Variants in TTC28 observed in about 807,000 individuals in gnomAD.
TTC28 encodes the protein tetratricopeptide repeat protein 28.
Under a neutral mutation model 198.0 loss-of-function variants are expected in TTC28, and 61 were observed. The observed-to-expected ratio is 0.31, with a 90% CI of 0.25 to 0.38. The LOEUF (loss-of-function observed/expected upper bound fraction) is 0.38, where lower values mean the gene tolerates loss of function less well. Among genes scored for constraint, TTC28 ranks in the 10% least tolerant of loss-of-function variants. The pLI is 1.00. For missense variants in TTC28, 2,678 were observed against 3,164.0 expected (o/e 0.85, Z 3.69); for synonymous variants, 1,171 against 1,297.8 (o/e 0.90, Z 2.10).
chr22:28,432,272 C>A (rs985228853), intron 2 of TTC28, among the ~76,000 whole-genome samples: 12 of 149,808 alleles, frequency 8.0e-5, no homozygotes, highest in Non-Finnish European at 3.0e-5. Flanking sequence ...GGTGACAGAG[C>A]GAGACTCTGT....
At chr22:28,526,895 TACAAGC>T (rs1231932043) in intron 2 of TTC28, among the ~76,000 whole-genome samples, 2 of 152,106 alleles carry the variant, frequency 1.3e-5, no homozygotes, top group African/African-American at 4.8e-5. Flanking sequence ...TAGTTGGGAT[TACAAGC>T]ACTTGCCACC....
At chr22:28,308,438 TTA>T (rs777049152) in intron 2 of TTC28, among the ~76,000 whole-genome samples, 22 of 152,220 alleles carry the variant, frequency 1.4e-4, no homozygotes, top group Non-Finnish European at 3.2e-4. Flanking sequence ...AAAAAATGTC[TTA>T]GTTACTGATT....
chr22:28,444,436 C>G (rs2047672447), intron 2 of TTC28, among the ~76,000 whole-genome samples: 1 of 152,124 alleles, frequency 6.6e-6, no homozygotes, highest in Non-Finnish European at 1.5e-5. Flanking sequence ...CTCAAAGGGA[C>G]TGCTTTTGAG....
At chr22:28,472,584 G>A (rs955057640) in intron 2 of TTC28, among the ~76,000 whole-genome samples, 1 of 151,580 alleles carries the variant, frequency 6.6e-6, no homozygotes, top group South Asian at 2.1e-4. Context: ...GTGTGTGTGT[G>A]TGTGTGTGTA....
chr22:28,108,193 G>A lies in TTC28; in HGVS notation c.1652C>T (p.Ala551Val). The A allele has an allele frequency of 3.2e-6, 5 of 1,551,662 alleles. No homozygotes were observed. The highest frequency in any genetic ancestry group is 3.5e-6 in the Non-Finnish European group (4 of 1,146,942). The change falls in exon 7 of 23, where the codon GCC becomes GTC. Residue 551 changes from alanine (A) to valine (V), a missense_variant. Ala to Val is a moderately conservative substitution (Grantham distance 64). Transcript: ENST00000397906. ...GTTCCCATGTGTGGAGGCCTGTGAG[G>A]CGCGGTCATTCACTTCCATGGAGAT... ...LQISMEVNDR[A>V]SQASTHGNLA...
At chr22:28,515,440 G>T (rs754588260) in intron 2 of TTC28, among the ~76,000 whole-genome samples, 8 of 152,044 alleles carry the variant, frequency 5.3e-5, no homozygotes, top group Non-Finnish European at 1.0e-4. Context: ...ACCACACGTG[G>T]GCATATAGGA....
intron 22 of TTC28, among the ~76,000 whole-genome samples, chr22:27,984,854 GC>G (rs1937156188): frequency 6.6e-6 from 1 of 152,192 alleles, no homozygotes; most frequent in African/African-American, 2.4e-5. Context: ...AGCCAGCTTG[GC>G]CCTTAAGAAC....
At chr22:28,450,844 G>T (rs1215866073) in intron 2 of TTC28, among the ~76,000 whole-genome samples, 1 of 152,104 alleles carries the variant, frequency 6.6e-6, no homozygotes, top group Non-Finnish European at 1.5e-5. Context: ...ACAATAGGCA[G>T]CACAGTACTA....
intron 2 of TTC28, among the ~76,000 whole-genome samples, chr22:28,544,839 A>G (rs1328359996): frequency 2.0e-5 from 3 of 152,134 alleles, no homozygotes; most frequent in African/African-American, 7.2e-5. Context: ...GTTACCCTAT[A>G]TGGTCTAAAA....
intron 12 of TTC28, among the ~76,000 whole-genome samples, chr22:28,032,292 GTGTATA>G (rs1569095219): frequency 5.3e-5 from 6 of 113,118 alleles, no homozygotes; most frequent in South Asian, 5.7e-4. Context: ...GTGTGTGTGT[GTGTATA>G]TGTGTGTGTT....
chr22:28,298,414 T>C (rs967623518), intron 3 of TTC28, among the ~76,000 whole-genome samples: 1 of 152,190 alleles, frequency 6.6e-6, no homozygotes, highest in Non-Finnish European at 1.5e-5. Flanking sequence ...AAACGCATCA[T>C]GAACACAGGT....
intron 2 of TTC28, among the ~76,000 whole-genome samples, chr22:28,571,794 C>G (rs900549518): frequency 6.6e-6 from 1 of 151,536 alleles, no homozygotes; most frequent in Non-Finnish European, 1.5e-5. Flanking sequence ...ACTGAAAATA[C>G]AAAATTAGCC....
chr22:28,490,003 GCA>G (rs2048354904), intron 2 of TTC28, among the ~76,000 whole-genome samples: 1 of 152,150 alleles, frequency 6.6e-6, no homozygotes, highest in Admixed American at 6.6e-5. Flanking sequence ...AGGGCAGGAA[GCA>G]TCCAGCACGG....
At chr22:28,024,454 C>T (rs1310946776) in intron 13 of TTC28, among the ~76,000 whole-genome samples, 1 of 152,132 alleles carries the variant, frequency 6.6e-6, no homozygotes, top group Non-Finnish European at 1.5e-5. Flanking sequence ...CAAGGTGGGA[C>T]TGTGAAGTAC....
chr22:28,527,467 T>C (rs1432210647), intron 2 of TTC28, among the ~76,000 whole-genome samples: 1 of 152,162 alleles, frequency 6.6e-6, no homozygotes, highest in African/African-American at 2.4e-5. Flanking sequence ...TGCAAACCAG[T>C]TCTGGCCTAT....
chr22:28,513,661 A>C (rs1568990177), intron 2 of TTC28, among the ~76,000 whole-genome samples: 1 of 152,222 alleles, frequency 6.6e-6, no homozygotes, highest in Non-Finnish European at 1.5e-5. Context: ...GGAGATTTCT[A>C]AAAACATTTT....
chr22:28,535,707 T>C (rs2049252651), intron 2 of TTC28, among the ~76,000 whole-genome samples: 1 of 152,006 alleles, frequency 6.6e-6, no homozygotes, highest in Non-Finnish European at 1.5e-5. Flanking sequence ...GCCAATCTTG[T>C]GATGGACTTC....
chr22:28,589,227 T>C (rs1345342077), intron 2 of TTC28, among the ~76,000 whole-genome samples: 1 of 152,212 alleles, frequency 6.6e-6, no homozygotes, highest in Non-Finnish European at 1.5e-5. Context: ...TATTCTCCCA[T>C]GTTAAATAAA....
intron 12 of TTC28, among the ~76,000 whole-genome samples, chr22:28,039,822 A>T (rs1034372898): frequency 3.3e-5 from 5 of 152,188 alleles, no homozygotes; most frequent in Non-Finnish European, 1.5e-5. Flanking sequence ...AGATCAACAA[A>T]ATTGATAGAC....
Sources: allele counts gnomAD v4.1 joint callset (sites outside exome capture counted in the v4.1 genomes callset), GRCh38; gene constraint gnomAD v4.1.1; transcripts MANE v1.5; gene names NCBI Gene and HGNC (gene_info 2026-07-23, HGNC 2026-07-21).